PKM: variants seen among roughly 807,000 people sequenced by gnomAD.
PKM encodes pyruvate kinase M1/2.
PKM carries 18 observed loss-of-function variants against 49.8 expected under a neutral mutation model. The ratio of observed to expected loss-of-function variants is 0.36; its 90% CI spans 0.25 to 0.54. The LOEUF is 0.54. Ranked by LOEUF, PKM falls within the 20% of genes least tolerant of loss-of-function variation. The pLI is 0.89. For synonymous variants in PKM, 239 were observed against 261.8 expected (o/e 0.91, Z 0.84); for missense variants, 508 against 713.8 (o/e 0.71, Z 3.28).
chr15:72,200,559 G>T lies in PKM; in HGVS notation c.1404C>A (p.Gly468=). Reference sequence around the variant, plus strand: ...GGTCCTTGCACAGCACAGGGAAGATGCCACGGTACAGGTGGGCCTGACGAG... The same window carrying T: ...GGTCCTTGCACAGCACAGGGAAGATTCCACGGTACAGGTGGGCCTGACGAG... ...QTARQAHLYR[G]IFPVLCKDPV... is the part of the protein sequence containing the mutation. The change falls in exon 10 of 11, where the codon GGC becomes GGA. Residue 468 remains glycine (G), a synonymous_variant. Transcript: ENST00000335181. This position sits in a 1 kb window ranked among gnomAD's most constrained non-coding sequence, Gnocchi z 4.6. The T allele has an allele frequency of 1.2e-6, 2 of 1,614,036 alleles. No homozygotes were observed. The highest frequency in any genetic ancestry group is 1.7e-6 in the Non-Finnish European group (2 of 1,179,916).
rs149396407 is a variant in PKM at position 72,222,794 on chromosome 15, A to G, written c.-13-3684T>C. On this transcript the variant is annotated intron_variant, in intron 1 of 10. Transcript: ENST00000335181. ...AGCCATGTCTCCTCTGTGAGAAAGG[A>G]GACACCATCTCTAAGAGGCCTTAGT... Among the ~76,000 whole-genome samples the G allele has an allele frequency of 1.1e-4, 16 of 152,266 alleles. No homozygotes were observed. The East Asian group carries it at 2.9e-3, about 28-fold the overall frequency.
chr15:72,221,473 G>A (rs1356696853), intron 1 of PKM, among the ~76,000 whole-genome samples: 2 of 152,000 alleles, frequency 1.3e-5, no homozygotes, highest in South Asian at 2.1e-4. Flanking sequence ...TTTTGGGAGC[G>A]GGGAAGGGAC....
At chr15:72,214,481 T>C (rs146747523) in intron 3 of PKM, among the ~76,000 whole-genome samples, 37 of 152,316 alleles carry the variant, frequency 2.4e-4, no homozygotes, top group African/African-American at 8.2e-4. Flanking sequence ...TGGAAGGCTC[T>C]ACATTTAGGT....
chr15:72,205,040 A>T lies in PKM; in HGVS notation c.1140+1688T>A, dbSNP rs115154985. On this transcript the variant is annotated intron_variant, in intron 8 of 10. Coordinates refer to ENST00000335181, the MANE Select transcript of PKM (RefSeq NM_002654.6). ...CAGCAATCACATCACACGAATGGTG[A>T]GGTGTCAGCCAGGCCCAGTCTACAT... Among the ~76,000 whole-genome samples the T allele has an allele frequency of 4.8e-3, 735 of 152,234 alleles. 7 individuals are homozygous for T. Among genetic ancestry groups the T allele is most frequent in the African/African-American group, 0.017 (701 of 41,532 alleles).
At chr15:72,223,821 AC>A (rs1180214060) in intron 1 of PKM, among the ~76,000 whole-genome samples, 1 of 151,724 alleles carries the variant, frequency 6.6e-6, no homozygotes, top group Non-Finnish European at 1.5e-5. Flanking sequence ...CCACACTTTA[AC>A]CCCAGGAGGC....
rs974945518 is a variant in PKM at position 72,228,491 on chromosome 15, A to G, written c.-14+2625T>C. 8.8e-6 allele frequency: 4 copies of G among 456,964 alleles called. No individual in the cohort carries two copies. The Admixed American group carries it at 1.0e-4, about 12-fold the overall frequency. The allele number at this position is 456,964 out of a possible 1,614,324, so 28.3% of individuals were successfully genotyped here. A position where few individuals can be genotyped will look rare whatever the true frequency, so the allele number is the denominator to read the frequency against. ...AGTTGAGGCATTTTTAATTAGGGGAAATGCATGCTTCATTATCTGACTCAC... is the reference window on the plus strand; with the variant it reads ...AGTTGAGGCATTTTTAATTAGGGGAGATGCATGCTTCATTATCTGACTCAC... On this transcript the variant is annotated intron_variant, in intron 1 of 10. Coordinates refer to ENST00000335181, the MANE Select transcript of PKM (RefSeq NM_002654.6).
intron 1 of PKM, among the ~76,000 whole-genome samples, chr15:72,230,616 G>A (rs949472360): frequency 6.6e-6 from 1 of 152,170 alleles, no homozygotes; most frequent in African/African-American, 2.4e-5. Context: ...CGCGGGAGGG[G>A]AACCAGAACG....
At chr15:72,224,976 C>T (rs2082626966) in intron 1 of PKM, among the ~76,000 whole-genome samples, 1 of 144,352 alleles carries the variant, frequency 6.9e-6, no homozygotes, top group African/African-American at 2.6e-5. Context: ...GGCTGGAGTG[C>T]ACTGGCGCGA....
chr15:72,222,230 CA>C (rs1596792282), intron 1 of PKM, among the ~76,000 whole-genome samples: 1 of 152,246 alleles, frequency 6.6e-6, no homozygotes, highest in African/African-American at 2.4e-5. Context: ...CATTAGCAGT[CA>C]AAAAAAGCTT....
chr15:72,226,860 CG>C (rs1012374038), intron 1 of PKM, among the ~76,000 whole-genome samples: 2 of 152,224 alleles, frequency 1.3e-5, no homozygotes, highest in Non-Finnish European at 2.9e-5. Flanking sequence ...GTACTGCAGC[CG>C]GCTTGTTCCC....
At position 72,202,793 on chromosome 15, in the gene PKM, C is replaced by A. The variant is rs2081977518; in HGVS notation, c.1141-173G>T. 1 of 711,134 alleles carries A rather than the reference C, an allele frequency of 1.4e-6. No homozygotes were observed. The highest frequency in any genetic ancestry group is 2.4e-6 in the Non-Finnish European group (1 of 414,552). 44.1% of individuals were successfully genotyped at this position (711,134 alleles called of 1,614,324 possible). A position where few individuals can be genotyped will look rare whatever the true frequency, so the allele number is the denominator to read the frequency against. ...TGGAGATTCTGAGCTGAGCCAAGAT[C>A]AAGACTCCACAGAAACCAGTCCTTC... On this transcript the variant is annotated intron_variant, in intron 8 of 10. Coordinates refer to ENST00000335181, the MANE Select transcript of PKM (RefSeq NM_002654.6). This position sits in a 1 kb window ranked among gnomAD's most constrained non-coding sequence, Gnocchi z 4.5.
At chr15:72,218,759 A>G (rs897035028) in intron 2 of PKM, among the ~76,000 whole-genome samples, 185 bp downstream of exon 2, 2 of 151,998 alleles carry the variant, frequency 1.3e-5, no homozygotes, top group African/African-American at 4.8e-5. Flanking sequence ...TATTAACTGT[A>G]TTTGCCATCC....
intron 1 of PKM, among the ~76,000 whole-genome samples, chr15:72,227,183 T>C (rs2082694582): frequency 6.6e-6 from 1 of 152,234 alleles, no homozygotes; most frequent in South Asian, 2.1e-4. Context: ...TCTATTCCCA[T>C]CTGTATCAGA....
At chr15:72,224,405 C>A (rs932480337) in intron 1 of PKM, among the ~76,000 whole-genome samples, 6 of 152,026 alleles carry the variant, frequency 3.9e-5, no homozygotes, top group African/African-American at 1.5e-4. Context: ...GCATTCTAGT[C>A]GGGGGGATAA....
At chr15:72,209,597 C>T (rs1423544451) in intron 5 of PKM, 76 bp downstream of exon 5, 1 of 1,320,970 alleles carries the variant, frequency 7.6e-7, no homozygotes, top group African/African-American at 1.4e-5. Context: ...AACCAACCTT[C>T]CCATCTTCCT....
chr15:72,224,380 T>C (rs1053828357), intron 1 of PKM, among the ~76,000 whole-genome samples: 4 of 152,118 alleles, frequency 2.6e-5, no homozygotes, highest in African/African-American at 9.7e-5. Context: ...CAACATTTAC[T>C]GGAAGGGCTG....
chr15:72,214,326 C>T (rs1478421395), intron 3 of PKM, among the ~76,000 whole-genome samples: 3 of 152,162 alleles, frequency 2.0e-5, no homozygotes, highest in Non-Finnish European at 2.9e-5. Flanking sequence ...ATATTATAAA[C>T]ATACCAATTA....
At chr15:72,230,689 G>C (rs563685932) in intron 1 of PKM, among the ~76,000 whole-genome samples, 12 of 152,278 alleles carry the variant, frequency 7.9e-5, no homozygotes, top group Middle Eastern at 6.8e-3. Context: ...TGAAGAGGAG[G>C]GGGTGGAAGG....
At chr15:72,205,635 T>G (rs920761125) in intron 8 of PKM, among the ~76,000 whole-genome samples, 10 of 150,890 alleles carry the variant, frequency 6.6e-5, no homozygotes, top group African/African-American at 2.4e-5. Context: ...TTTTTTTTTT[T>G]TTTTTTTTTT....
Sources: allele counts gnomAD v4.1 joint callset (sites outside exome capture counted in the v4.1 genomes callset), GRCh38; gene constraint gnomAD v4.1.1; non-coding constraint Gnocchi (gnomAD v3.1); transcripts MANE v1.5; gene names NCBI Gene and HGNC (gene_info 2026-07-23, HGNC 2026-07-21).